TNR: variants seen among roughly 807,000 people sequenced by gnomAD.
TNR encodes tenascin-R.
TNR carries 45 observed loss-of-function variants against 150.4 expected under a neutral mutation model. The observed-to-expected ratio is 0.30, with a 90% CI of 0.24 to 0.38. The LOEUF (loss-of-function observed/expected upper bound fraction) is 0.38, where lower values mean the gene tolerates loss of function less well. Ranked by LOEUF, TNR falls within the 10% of genes least tolerant of loss-of-function variation. The pLI is 1.00. For missense variants in TNR, 1,544 were observed against 1,759.1 expected, an observed-to-expected ratio of 0.88 and a Z score of 2.19; for synonymous variants, 687 against 678.4, an observed-to-expected ratio of 1.01 and a Z score of -0.20.
chr1:175,499,875 T>A (rs2861311), intron 2 of TNR, among the ~76,000 whole-genome samples: 1 of 151,908 alleles, frequency 6.6e-6, no homozygotes, highest in African/African-American at 2.4e-5. Flanking sequence ...ACGTAACTAC[T>A]GTTGCCCCTA....
At chr1:175,443,631 T>C (rs1655893976) in intron 2 of TNR, among the ~76,000 whole-genome samples, 2 of 152,120 alleles carry the variant, frequency 1.3e-5, no homozygotes, top group Admixed American at 6.5e-5. Flanking sequence ...TCAGTTTCTA[T>C]AGGTGATCAC....
intron 2 of TNR, among the ~76,000 whole-genome samples, chr1:175,485,551 G>A (rs909223821): frequency 6.6e-6 from 1 of 152,130 alleles, no homozygotes; most frequent in Admixed American, 6.5e-5. Context: ...TACGTAGAAG[G>A]TGTGGACTTA....
intron 1 of TNR, among the ~76,000 whole-genome samples, chr1:175,723,994 G>T (rs1235093566): frequency 6.6e-6 from 1 of 152,042 alleles, no homozygotes; most frequent in Non-Finnish European, 1.5e-5. Context: ...GAGCAAATTT[G>T]AGAAAATTGA....
rs1239766489 is a variant in TNR, at chr1:175,327,736, G to C, written c.3793+2338C>G. Among the ~76,000 whole-genome samples the C allele has an allele frequency of 3.3e-5, 5 of 152,184 alleles. No individual in the cohort carries two copies. The East Asian group carries it at 9.6e-4, about 29-fold the overall frequency. ...CCAGGGTTTATTTTCCTTACCATGG[G>C]AATCCCAGTCGAATGCAGCTGCCTT... is the stretch of plus-strand genomic sequence containing the variant. On this transcript the variant is annotated intron_variant, in intron 21 of 22. Coordinates refer to ENST00000367674, the MANE Select transcript of TNR (RefSeq NM_003285.3).
intron 1 of TNR, among the ~76,000 whole-genome samples, chr1:175,742,946 C>T (rs1667970713): frequency 7.1e-6 from 1 of 141,680 alleles, no homozygotes; most frequent in Non-Finnish European, 1.5e-5. Flanking sequence ...TCAGACCTCA[C>T]CTGTCTTATG....
chr1:175,368,337 T>C (rs1425456532), intron 9 of TNR, among the ~76,000 whole-genome samples: 2 of 152,246 alleles, frequency 1.3e-5, no homozygotes, highest in Non-Finnish European at 2.9e-5. Flanking sequence ...TCATGGTCTC[T>C]TAATCTATCT....
chr1:175,564,800 T>C (rs1472109815), intron 1 of TNR, among the ~76,000 whole-genome samples: 2 of 152,214 alleles, frequency 1.3e-5, no homozygotes, highest in East Asian at 3.9e-4. Flanking sequence ...ATGGCTTTGA[T>C]AAAGCACTCA....
intron 1 of TNR, among the ~76,000 whole-genome samples, chr1:175,579,007 T>C (rs1012953711): frequency 3.3e-5 from 5 of 152,136 alleles, no homozygotes; most frequent in Non-Finnish European, 7.3e-5. Flanking sequence ...CCACCAAATG[T>C]TATCTGTATA....
intron 1 of TNR, among the ~76,000 whole-genome samples, chr1:175,533,384 C>T (rs1447747175): frequency 1.3e-5 from 2 of 152,216 alleles, no homozygotes; most frequent in Non-Finnish European, 2.9e-5. Flanking sequence ...ATTCTTTCCT[C>T]TCAGGGTCAT....
intron 2 of TNR, among the ~76,000 whole-genome samples, chr1:175,415,969 GA>G (rs1435774393): frequency 6.6e-6 from 1 of 152,154 alleles, no homozygotes; most frequent in Non-Finnish European, 1.5e-5. Flanking sequence ...GCTGTTGATA[GA>G]AAGTCTGTCT....
chr1:175,391,872 T>A (rs1362464363), intron 6 of TNR, among the ~76,000 whole-genome samples: 1 of 152,240 alleles, frequency 6.6e-6, no homozygotes, highest in African/African-American at 2.4e-5. Context: ...TGTGTAAACA[T>A]CTTTATATAC....
chr1:175,499,670 T>C (rs1386176453), intron 2 of TNR, among the ~76,000 whole-genome samples: 4 of 152,222 alleles, frequency 2.6e-5, no homozygotes, highest in African/African-American at 7.2e-5. Flanking sequence ...TTACTCCTTG[T>C]AATTAGTTCA....
intron 2 of TNR, among the ~76,000 whole-genome samples, chr1:175,415,157 T>G (rs1654382123): frequency 6.6e-6 from 1 of 151,626 alleles, no homozygotes; most frequent in Admixed American, 6.6e-5. Flanking sequence ...TTTTTTTTTT[T>G]TTTTGTTAGA....
chr1:175,362,575 G>T, intron 14 of TNR, 88 bp downstream of exon 14: 1 of 1,519,834 alleles, frequency 6.6e-7, no homozygotes, highest in Non-Finnish European at 8.9e-7. Flanking sequence ...TGGAGCCTTA[G>T]CCTCCAGAAC....
At chr1:175,710,363 G>A (rs1403595474) in intron 1 of TNR, among the ~76,000 whole-genome samples, 1 of 152,138 alleles carries the variant, frequency 6.6e-6, no homozygotes, top group African/African-American at 2.4e-5. Context: ...AAAGGGTGGG[G>A]ATGTTGATTT....
chr1:175,518,421 C>T (rs932822559), intron 2 of TNR, among the ~76,000 whole-genome samples: 2 of 152,134 alleles, frequency 1.3e-5, no homozygotes, highest in African/African-American at 4.8e-5. Flanking sequence ...TCTCATGTCT[C>T]CCCCTACAGT....
chr1:175,705,652 T>A (rs1263809418), intron 1 of TNR, among the ~76,000 whole-genome samples: 1 of 152,012 alleles, frequency 6.6e-6, no homozygotes, highest in African/African-American at 2.4e-5. Flanking sequence ...TGGTCTTAGG[T>A]AAATGCCATA....
chr1:175,508,300 G>C (rs1260954322), intron 2 of TNR, among the ~76,000 whole-genome samples: 1 of 152,110 alleles, frequency 6.6e-6, no homozygotes, highest in Non-Finnish European at 1.5e-5. Context: ...TAAATAGACT[G>C]TGTATCTTTA....
rs1191959539 is a variant in TNR at position 175,355,603 on chromosome 1, C to T, written c.3149G>A (p.Ser1050Asn). The change falls in exon 17 of 23, where the codon AGT becomes AAT. Residue 1050 changes from serine (S) to asparagine (N), a missense_variant. Around this residue, in one of 2 missense-constraint regions of TNR, gnomAD observed 290 missense variants for 429.7 expected, o/e 0.67. Coordinates refer to ENST00000367674, the MANE Select transcript of TNR (RefSeq NM_003285.3). ...LLDPPANLTA[S>N]EVTRQSALIS... ...CAGGGCACTTTGTCTGGTGACTTCA[C>T]TGGCTGTCAGGTTTGCCGGAGGGTC... The T allele has an allele frequency of 6.2e-7, 1 of 1,613,968 alleles. No homozygotes were observed. Among genetic ancestry groups the T allele is most frequent in the East Asian group, 2.2e-5 (1 of 44,896 alleles).
Sources: gnomAD v4.1 joint callset for allele counts (sites outside exome capture counted in the v4.1 genomes callset) on GRCh38, gnomAD v4.1.1 for gene constraint, gnomAD v4.1.1 regional missense constraint, MANE v1.5 for transcripts, NCBI Gene and HGNC (gene_info 2026-07-23, HGNC 2026-07-21) for gene names.